The following SIPA1L1 variants were observed in gnomAD, a reference collection of about 807,000 sequenced individuals.
The protein encoded by SIPA1L1 is signal-induced proliferation-associated 1-like protein 1.
SIPA1L1 carries 26 observed loss-of-function variants against 162.7 expected under a neutral mutation model. That is an observed-to-expected ratio of 0.16 (90% CI 0.12 to 0.22). The LOEUF is 0.22. Ranked by LOEUF, SIPA1L1 falls within the 10% of genes least tolerant of loss-of-function variation. The pLI, the probability that SIPA1L1 is intolerant of heterozygous loss-of-function variation, is 1.00. For missense variants in SIPA1L1, 1,874 were observed against 2,241.0 expected (o/e 0.84, Z 3.31); for synonymous variants, 829 against 837.4 (o/e 0.99, Z 0.17).
At chr14:71,557,128 A>G (rs1170856055) in intron 4 of SIPA1L1, among the ~76,000 whole-genome samples, 1 of 151,726 alleles carries the variant, frequency 6.6e-6, no homozygotes, top group Admixed American at 6.6e-5. Context: ...TTCTTTTCCC[A>G]TTTTTCTTTT....
At chr14:71,433,877 C>G (rs533224579) in intron 2 of SIPA1L1, among the ~76,000 whole-genome samples, 6 of 152,242 alleles carry the variant, frequency 3.9e-5, no homozygotes, top group African/African-American at 1.2e-4. Flanking sequence ...TATATCTTAT[C>G]TATCTTTATA....
At chr14:71,507,657 T>TA (rs569854058) in intron 2 of SIPA1L1, among the ~76,000 whole-genome samples, 199 of 152,372 alleles carry the variant, frequency 1.3e-3, no homozygotes, top group Non-Finnish European at 2.4e-3. Context: ...TACTGTTACT[T>TA]ACTTACCTTT....
At chr14:71,721,444 C>T (rs926437652) in intron 17 of SIPA1L1, among the ~76,000 whole-genome samples, 3 of 152,164 alleles carry the variant, frequency 2.0e-5, no homozygotes, top group Non-Finnish European at 2.9e-5. Flanking sequence ...GTCTGGCTAC[C>T]ACCAATGATT....
intron 5 of SIPA1L1, among the ~76,000 whole-genome samples, chr14:71,610,218 G>A (rs1030358188): frequency 1.3e-4 from 20 of 152,184 alleles, no homozygotes; most frequent in Non-Finnish European, 2.8e-4. Context: ...ATTTCAGTTA[G>A]AAGTTAGTAA....
At chr14:71,451,813 C>T (rs373585563) in intron 2 of SIPA1L1, among the ~76,000 whole-genome samples, 42 of 151,660 alleles carry the variant, frequency 2.8e-4, no homozygotes, top group South Asian at 6.3e-4. Context: ...CTGGTGTGTA[C>T]GCAATTCAAA....
chr14:71,409,832 G>A (rs1466737384), intron 2 of SIPA1L1, among the ~76,000 whole-genome samples: 1 of 152,182 alleles, frequency 6.6e-6, no homozygotes, highest in East Asian at 1.9e-4. Flanking sequence ...TTGGTCTGAA[G>A]TTATAAAGTA....
rs183083690 is a variant in SIPA1L1, at chr14:71,697,143, G to A, written c.3375-1838G>A. 2.3e-3 allele frequency among the ~76,000 whole-genome samples: 346 copies of A among 152,274 alleles called. 1 individual carries two copies. The highest frequency in any genetic ancestry group is 8.0e-3 in the African/African-American group (331 of 41,544). Reference sequence around the variant, plus strand: ...CTTTTAGCAGTCTGTTGACTTGATGGAAGAGGGTGGGTTGGGGCTGCTGGA... The same window carrying A: ...CTTTTAGCAGTCTGTTGACTTGATGAAAGAGGGTGGGTTGGGGCTGCTGGA... On this transcript the variant is annotated intron_variant, in intron 13 of 23. Transcript: ENST00000381232.
At chr14:71,375,427 T>G (rs572852486) in intron 2 of SIPA1L1, among the ~76,000 whole-genome samples, 10 of 152,228 alleles carry the variant, frequency 6.6e-5, no homozygotes, top group Non-Finnish European at 1.3e-4. Flanking sequence ...TACTTGATTT[T>G]TTTTTACATC....
chr14:71,546,693 A>G (rs2055244457), intron 4 of SIPA1L1, among the ~76,000 whole-genome samples: 1 of 152,146 alleles, frequency 6.6e-6, no homozygotes, highest in Admixed American at 6.6e-5. Context: ...TTTATCAAAT[A>G]TTTATTGAGC....
chr14:71,544,749 G>GA (rs1160285729), intron 4 of SIPA1L1, among the ~76,000 whole-genome samples: 1 of 152,080 alleles, frequency 6.6e-6, no homozygotes, highest in African/African-American at 2.4e-5. Context: ...GTTCTTGGTT[G>GA]AAAATCAGTC....
intron 10 of SIPA1L1, 59 bp downstream of exon 10, chr14:71,661,526 C>T: frequency 6.5e-7 from 1 of 1,545,734 alleles, no homozygotes; most frequent in Non-Finnish European, 8.8e-7. Flanking sequence ...CGCATAGAGG[C>T]CCCATTCAGC....
Position 71,723,769 on chromosome 14 carries a change from C to G in SIPA1L1, c.4331C>G (p.Ser1444Cys), listed in dbSNP as rs1382653392. The G allele has an allele frequency of 4.3e-6, 7 of 1,614,126 alleles. No individual in the cohort carries two copies. Among genetic ancestry groups the G allele is most frequent in the Non-Finnish European group, 5.9e-6 (7 of 1,180,054 alleles). Reference protein sequence around the residue: ...QLAPSFSSSSSSSSGPRSFYP... With the variant: ...QLAPSFSSSSCSSSGPRSFYP... The stretch of plus-strand genomic sequence containing the variant: ...GCACCATCCTTCTCCTCCTCTTCCT[C>G]CTCCTCCTCTGGTCCTAGGAGTTTT... Residue 1444 changes from serine (S) to cysteine (C), a missense_variant, in exon 18 of 24, where the codon TCC becomes TGC. Transcript: ENST00000381232.
At chr14:71,703,471 C>T (rs1225980220) in intron 15 of SIPA1L1, among the ~76,000 whole-genome samples, 6 of 152,082 alleles carry the variant, frequency 3.9e-5, no homozygotes, top group Admixed American at 3.3e-4. Flanking sequence ...AAATGGAGTT[C>T]CTAGGTTCTG....
chr14:71,561,060 A>G (rs572587999), intron 4 of SIPA1L1, among the ~76,000 whole-genome samples: 1 of 152,298 alleles, frequency 6.6e-6, no homozygotes, highest in African/African-American at 2.4e-5. Context: ...TTCTAAAAAG[A>G]GTTCTTTTTA....
chr14:71,513,375 C>G (rs1008788052), intron 3 of SIPA1L1, among the ~76,000 whole-genome samples: 3 of 151,798 alleles, frequency 2.0e-5, no homozygotes, highest in African/African-American at 7.3e-5. Context: ...TTCTTTTTAC[C>G]TAGTGTATCA....
chr14:71,702,260 G>T, intron 14 of SIPA1L1, 121 bp from the exon 15 acceptor site: 1 of 1,031,110 alleles, frequency 9.7e-7, no homozygotes. Flanking sequence ...TACAAGTACA[G>T]ACACATAAGC....
At chr14:71,459,841 C>G (rs74421668) in intron 2 of SIPA1L1, among the ~76,000 whole-genome samples, 2,709 of 152,236 alleles carry the variant, frequency 0.018, 30 homozygotes, top group African/African-American at 0.026. Flanking sequence ...CGAGTTGACC[C>G]TTAGTATTAA....
chr14:71,324,144 G>C (rs1483016520), intron 2 of SIPA1L1, among the ~76,000 whole-genome samples: 1 of 152,174 alleles, frequency 6.6e-6, no homozygotes, highest in Non-Finnish European at 1.5e-5. Flanking sequence ...GAGAATACAT[G>C]TATGAAAGTA....
In SIPA1L1 at chr14:71,702,306, A is replaced by G. The variant is rs1429578107; in HGVS notation, c.3522-75A>G. 15 of 1,542,460 alleles carry G rather than the reference A, an allele frequency of 9.7e-6. No individual in the cohort carries two copies. The East Asian group carries it at 2.9e-4, about 30-fold the overall frequency. On this transcript the variant is annotated intron_variant, in intron 14 of 23. Coordinates refer to ENST00000381232, the MANE Select transcript of SIPA1L1 (RefSeq NM_001386936.1). ...AGTGCCTGTCATTAAAATTTAGTTC[A>G]TTACACCCAGGACTGCCTTCCCCTC...
Sources: allele counts gnomAD v4.1 joint callset (sites outside exome capture counted in the v4.1 genomes callset), GRCh38; gene constraint gnomAD v4.1.1; transcripts MANE v1.5; gene names NCBI Gene and HGNC (gene_info 2026-07-23, HGNC 2026-07-21).